Variants in ANKRD28 observed in about 807,000 individuals in gnomAD.
The protein encoded by ANKRD28 is ankyrin repeat domain 28, also known as serine/threonine-protein phosphatase 6 regulatory ankyrin repeat subunit A.
ANKRD28 carries 44 observed loss-of-function variants against 126.5 expected under a neutral mutation model. The observed-to-expected ratio is 0.35, with a 90% CI of 0.27 to 0.45. The LOEUF (loss-of-function observed/expected upper bound fraction) is 0.45, where lower values mean the gene tolerates loss of function less well. ANKRD28 is among the 20% of genes least tolerant of loss of function. The pLI is 1.00. For synonymous variants in ANKRD28, 442 were observed against 468.5 expected (o/e 0.94, Z 0.73); for missense variants, 1,110 against 1,316.6 (o/e 0.84, Z 2.43).
intron 8 of ANKRD28, among the ~76,000 whole-genome samples, chr3:15,716,572 CCATGCCTGGCCAG>C (rs2073082397): frequency 6.6e-6 from 1 of 151,972 alleles, no homozygotes; most frequent in South Asian, 2.1e-4. Flanking sequence ...GTGTGAGCCA[CCATGCCTGGCCAG>C]CTATAGCCAA....
At chr3:15,702,987 T>C (rs1026122188) in intron 14 of ANKRD28, among the ~76,000 whole-genome samples, 19 of 152,152 alleles carry the variant, frequency 1.2e-4, no homozygotes, top group Non-Finnish European at 2.6e-4. Context: ...ATTTCACAGA[T>C]TAAATAGGCA....
chr3:15,755,145 A>G (rs1174248961), intron 3 of ANKRD28, among the ~76,000 whole-genome samples: 1 of 152,152 alleles, frequency 6.6e-6, no homozygotes, highest in Non-Finnish European at 1.5e-5. Context: ...GAAAAAAAAT[A>G]ATAAAAAATA....
chr3:15,696,968 T>C (rs977400130), intron 14 of ANKRD28, among the ~76,000 whole-genome samples: 3 of 152,182 alleles, frequency 2.0e-5, no homozygotes, highest in Non-Finnish European at 4.4e-5. Flanking sequence ...AGTCATTATT[T>C]GAAAAAGGCA....
chr3:15,724,359 T>C, intron 7 of ANKRD28, 23 bp downstream of exon 7: 1 of 1,577,314 alleles, frequency 6.3e-7, no homozygotes, highest in Non-Finnish European at 8.6e-7. Context: ...CATAATTTTA[T>C]ACTGTTCAAT....
intron 3 of ANKRD28, chr3:15,756,415 G>A (rs1260856603): frequency 1.3e-6 from 1 of 792,874 alleles, no homozygotes; most frequent in African/African-American, 1.9e-5. Context: ...CCTAAATCTA[G>A]AATTAAATGT....
intron 4 of ANKRD28, among the ~76,000 whole-genome samples, chr3:15,740,936 C>T (rs1263760276): frequency 2.0e-5 from 3 of 152,286 alleles, no homozygotes; most frequent in Non-Finnish European, 2.9e-5. Context: ...TGCGGTGGCT[C>T]ACTTCTGTAA....
At chr3:15,676,723 T>C (rs1423840498) in intron 26 of ANKRD28, 2 of 325,950 alleles carry the variant, frequency 6.1e-6, no homozygotes, top group Non-Finnish European at 1.1e-5. Context: ...TTCAGAAAAT[T>C]AGGTAGGTGG....
Position 15,797,434 on chromosome 3 carries a change from A to G in ANKRD28, c.-913T>C, listed in dbSNP as rs996112659. On this transcript the variant is annotated 5_prime_UTR_variant, in exon 1 of 28. Transcript: ENST00000683139. ...TCAGGCAGTTGTCTGTGGCTGCTCC[A>G]GCAAAAGGGCACAGGCACCAGGCAG... The G allele has an allele frequency of 3.3e-5, 33 of 985,328 alleles. No homozygotes were observed. In the South Asian group the frequency reaches 1.5e-3, roughly 45 times the overall value. 61.0% of individuals were successfully genotyped at this position (985,328 alleles called of 1,614,324 possible).
intron 2 of ANKRD28, among the ~76,000 whole-genome samples, chr3:15,791,839 CA>C (rs1333398268): frequency 1.3e-4 from 19 of 151,998 alleles, no homozygotes; most frequent in Non-Finnish European, 2.9e-5. Flanking sequence ...AAAACATTTG[CA>C]AACTACCCCT....
intron 26 of ANKRD28, 42 bp from the exon 27 acceptor site, chr3:15,676,031 G>A: frequency 6.0e-6 from 9 of 1,502,686 alleles, no homozygotes; most frequent in South Asian, 1.2e-5. Context: ...ATGTGCATGT[G>A]CATGCACATA....
Position 15,846,664 on chromosome 3 carries a change from T to A in ANKRD28, c.27+12713A>T, listed in dbSNP as rs1167390628. Among the ~76,000 whole-genome samples, 1 of 152,244 alleles carries A rather than the reference T, an allele frequency of 6.6e-6. No homozygotes were observed. Among genetic ancestry groups the A allele is most frequent in the Admixed American group, 6.5e-5 (1 of 15,286 alleles). On this transcript the variant is annotated intron_variant, in intron 1 of 27. Transcript: ENST00000399451. The surrounding 1 kb of genome is among the most constrained non-coding windows in gnomAD (Gnocchi z 5.4). Reference sequence around the variant, plus strand: ...AATGGATAAATCCCAAATTATCACATAACAGAATAGGTTATTTTTATTTCA... The same window carrying A: ...AATGGATAAATCCCAAATTATCACAAAACAGAATAGGTTATTTTTATTTCA...
At chr3:15,799,067 A>G (rs143791453), upstream of ANKRD28, among the ~76,000 whole-genome samples, 118 of 152,158 alleles carry the variant, frequency 7.8e-4, no homozygotes, top group African/African-American at 2.7e-3. Context: ...GTTATTTTAA[A>G]CACATACTCT....
At position 15,851,544 on chromosome 3, in the gene ANKRD28, A is replaced by AAAAT. The variant is rs141544673; in HGVS notation, c.27+7829_27+7832dup. 2.3e-3 allele frequency among the ~76,000 whole-genome samples: 339 copies of AAAAT among 145,648 alleles called. 1 individual carries two copies. Among genetic ancestry groups the AAAAT allele is most frequent in the Middle Eastern group, 3.5e-3 (1 of 286 alleles). On this transcript the variant is annotated intron_variant, in intron 1 of 27. Coordinates refer to the ANKRD28 transcript ENST00000399451. ...GAGTGACAAAGTGAGACTCTGTGTC[A>AAAAT]AAATAAATAAATAAATAAATAAATA... is the stretch of plus-strand genomic sequence containing the variant.
intron 8 of ANKRD28, among the ~76,000 whole-genome samples, chr3:15,717,803 T>C (rs1465811399): frequency 1.3e-5 from 2 of 152,192 alleles, no homozygotes; most frequent in Non-Finnish European, 2.9e-5. Context: ...TATACTGCTT[T>C]ATAAACCTGA....
At chr3:15,760,895 C>G (rs536532502) in intron 3 of ANKRD28, among the ~76,000 whole-genome samples, 8 of 152,296 alleles carry the variant, frequency 5.3e-5, no homozygotes, top group African/African-American at 1.7e-4. Context: ...TTTTCCACAT[C>G]ACTTAAAGGG....
chr3:15,696,284 C>T, intron 14 of ANKRD28, 39 bp from the exon 15 acceptor site: 1 of 1,293,032 alleles, frequency 7.7e-7, no homozygotes, highest in Non-Finnish European at 1.1e-6. Flanking sequence ...AATCCTAAAT[C>T]CTGCATATTA....
At chr3:15,785,255 C>T (rs137940743) in intron 2 of ANKRD28, among the ~76,000 whole-genome samples, 438 of 152,054 alleles carry the variant, frequency 2.9e-3, no homozygotes, top group African/African-American at 8.0e-3. Context: ...AGTTCTGCTC[C>T]GCAAAAGACA....
chr3:15,788,832 T>C (rs2059897229), intron 2 of ANKRD28, among the ~76,000 whole-genome samples: 1 of 152,002 alleles, frequency 6.6e-6, no homozygotes, highest in African/African-American at 2.4e-5. Context: ...TCATTTAGAA[T>C]TTTTAGAGTG....
At chr3:15,777,034 G>A (rs2059302902) in intron 2 of ANKRD28, among the ~76,000 whole-genome samples, 3 of 152,150 alleles carry the variant, frequency 2.0e-5, no homozygotes, top group Non-Finnish European at 4.4e-5. Context: ...CCAGCACTTT[G>A]GGAGGCCGAG....
Sources: allele counts gnomAD v4.1 joint callset (sites outside exome capture counted in the v4.1 genomes callset), GRCh38; gene constraint gnomAD v4.1.1; non-coding constraint Gnocchi (gnomAD v3.1); transcripts MANE v1.5; gene names NCBI Gene and HGNC (gene_info 2026-07-23, HGNC 2026-07-21).